TRPV2: variants seen among roughly 807,000 people sequenced by gnomAD.
The protein encoded by TRPV2 is OTRPC2.
A neutral mutation model predicts 91.0 loss-of-function variants in TRPV2; 58 were observed. The observed-to-expected ratio is 0.64, with a 90% CI of 0.52 to 0.79. The LOEUF (loss-of-function observed/expected upper bound fraction) is 0.79. TRPV2 is among the 30% of genes least tolerant of loss of function. The pLI, the probability that TRPV2 is intolerant of heterozygous loss-of-function variation, is 0.00. For missense variants in TRPV2, 807 were observed against 969.6 expected, an observed-to-expected ratio of 0.83 and a Z score of 2.23; for synonymous variants, 417 against 414.8, an observed-to-expected ratio of 1.01 and a Z score of -0.06.
intron 10 of TRPV2, 149 bp from the exon 11 acceptor site, chr17:16,431,635 G>A (rs1442940094): frequency 4.3e-6 from 3 of 697,040 alleles, no homozygotes; most frequent in Non-Finnish European, 7.5e-6. Context: ...TCCTCTGCTC[G>A]GTGTGGCTCC....
At chr17:16,432,624 A>G (rs908576087) in intron 12 of TRPV2, among the ~76,000 whole-genome samples, 14 of 151,614 alleles carry the variant, frequency 9.2e-5, no homozygotes, top group African/African-American at 3.4e-4. Context: ...TATTTTTTGT[A>G]GAGAAGAAGG....
In TRPV2 at chr17:16,422,888, C is replaced by T. The variant is rs931048971; in HGVS notation, c.624C>T (p.Phe208=). 11 of 1,558,646 alleles carry T rather than the reference C, an allele frequency of 7.1e-6. No individual in the cohort carries two copies. Among genetic ancestry groups the T allele is most frequent in the Admixed American group, 3.8e-5 (2 of 52,528 alleles). ...FQKGQGTCFY[F]GELPLSLAAC... ...AGGGCCAAGGGACTTGCTTTTATTT[C>T]GGTGAGTGAGCCTTTCTTGGATAAA... Residue 208 remains phenylalanine (F), a splice_region_variant and synonymous_variant, in exon 4 of 15, where the codon TTC becomes TTT. Transcript: ENST00000338560.
Position 16,417,881 on chromosome 17 carries a change from G to C in TRPV2, c.200+13G>C, listed in dbSNP as rs753394764. 1.4e-5 allele frequency: 22 copies of C among 1,612,298 alleles called. No individual in the cohort carries two copies. The highest frequency in any genetic ancestry group is 1.9e-5 in the Non-Finnish European group (22 of 1,179,138). On this transcript the variant is annotated intron_variant, in intron 2 of 14. Coordinates refer to ENST00000338560, the MANE Select transcript of TRPV2 (RefSeq NM_016113.5). ...GAACAGGTGCCAGGTGAGACAGCAA[G>C]TGGGGGCAGGGCAAAGGGGGCCCCC...
In TRPV2 at chr17:16,426,250, C is replaced by T. The variant is rs768113842; in HGVS notation, c.1076C>T (p.Ala359Val). Residue 359 changes from alanine to valine, a missense_variant, in exon 6 of 15, where the codon GCC becomes GTC. Physicochemically the swap from Ala to Val is moderately conservative, Grantham distance 64. Transcript: ENST00000338560. This position sits in a 1 kb window ranked among gnomAD's most constrained non-coding sequence, Gnocchi z 6.0. ...GAGAACTCAGTGCTGGAGATCATTG[C>T]CTTTCATTGCAAGAGCCCGGTGAGC... is the stretch of plus-strand genomic sequence containing the variant. Reference protein sequence around the residue: ...CEENSVLEIIAFHCKSPHRHR... With the variant: ...CEENSVLEIIVFHCKSPHRHR... 2 of 1,614,180 alleles carry T rather than the reference C, an allele frequency of 1.2e-6. No homozygotes were observed. Among genetic ancestry groups the T allele is most frequent in the South Asian group, 1.1e-5 (1 of 91,078 alleles).
Position 16,434,875 on chromosome 17 carries a change from C to T in TRPV2, c.2115-15C>T, listed in dbSNP as rs944822733. ...TCAAAGCAGGCAAACCTCAGAGCTG[C>T]TCTGTTGCCCTCAGGGTGGAGGAGG... On this transcript the variant is annotated splice_polypyrimidine_tract_variant and intron_variant, in intron 13 of 14. Transcript: ENST00000338560. 2 of 1,610,056 alleles carry T rather than the reference C, an allele frequency of 1.2e-6. No individual in the cohort carries two copies. The highest frequency in any genetic ancestry group is 8.5e-7 in the Non-Finnish European group (1 of 1,178,774).
intron 7 of TRPV2, 99 bp from the exon 8 acceptor site, chr17:16,427,350 A>T: frequency 1.7e-6 from 2 of 1,174,922 alleles, no homozygotes; most frequent in Non-Finnish European, 2.4e-6. Flanking sequence ...GAGCCTCTCC[A>T]CAGCTCAGGC....
At chr17:16,433,282 C>A (rs947828247) in intron 12 of TRPV2, 1 of 302,492 alleles carries the variant, frequency 3.3e-6, no homozygotes, top group Non-Finnish European at 6.3e-6. Context: ...GAGCCTGGAA[C>A]GATGTAAGAG....
chr17:16,432,336 C>A, intron 12 of TRPV2, 36 bp downstream of exon 12: 1 of 1,564,390 alleles, frequency 6.4e-7, no homozygotes, highest in East Asian at 2.3e-5. Context: ...CCACCCCACC[C>A]CACACTCAGG....
rs1484674163 is a variant in TRPV2, at chr17:16,425,788, A to T, written c.925-311A>T. 3.3e-5 allele frequency among the ~76,000 whole-genome samples: 5 copies of T among 152,178 alleles called. No individual in the cohort carries two copies. In the East Asian group the frequency reaches 9.6e-4, roughly 29 times the overall value. On this transcript the variant is annotated intron_variant, in intron 5 of 14. Transcript: ENST00000338560. Reference sequence around the variant, plus strand: ...ACACAGATACAGCTAGTAGACTCTGATCTCAGGGGCCTCAAGGACCCCAGG... The same window carrying T: ...ACACAGATACAGCTAGTAGACTCTGTTCTCAGGGGCCTCAAGGACCCCAGG...
At chr17:16,429,046 C>T (rs2093398234) in intron 10 of TRPV2, 64 bp downstream of exon 10, 1 of 1,560,384 alleles carries the variant, frequency 6.4e-7, no homozygotes, top group African/African-American at 1.4e-5. Context: ...AGCCTTCCTC[C>T]ACAGCTATCC....
At chr17:16,434,275 T>C (rs1490627141) in intron 13 of TRPV2, among the ~76,000 whole-genome samples, 3 of 152,042 alleles carry the variant, frequency 2.0e-5, no homozygotes, top group Admixed American at 6.5e-5. Flanking sequence ...GAGACCATCC[T>C]GGCTAACACA....
intron 5 of TRPV2, among the ~76,000 whole-genome samples, chr17:16,425,105 A>G (rs7216548): frequency 0.034 from 5,018 of 147,778 alleles, 284 homozygotes; most frequent in African/African-American, 0.12. Context: ...GCTAACTGCA[A>G]CCTCCGCCTC....
chr17:16,426,615 C>T lies in TRPV2; in HGVS notation c.1096-107C>T. The T allele has an allele frequency of 1.5e-6, 2 of 1,362,714 alleles. No individual in the cohort carries two copies. Among genetic ancestry groups the T allele is most frequent in the Non-Finnish European group, 2.0e-6 (2 of 1,003,996 alleles). The allele number at this position is 1,362,714 out of a possible 1,614,324, so 84.4% of individuals were successfully genotyped here. The stretch of plus-strand genomic sequence containing the variant: ...CTCCTGGGGTGTGGAAGCCTGCTCC[C>T]TGTCCTCTCTCCTCATTTCCTGGGC... On this transcript the variant is annotated intron_variant, in intron 6 of 14. Coordinates refer to ENST00000338560, the MANE Select transcript of TRPV2 (RefSeq NM_016113.5). The surrounding 1 kb of genome is among the most constrained non-coding windows in gnomAD (Gnocchi z 6.0).
chr17:16,427,795 C>T (rs1035850484), intron 8 of TRPV2, among the ~76,000 whole-genome samples: 1 of 152,200 alleles, frequency 6.6e-6, no homozygotes, highest in African/African-American at 2.4e-5. Context: ...ACAGACTCTG[C>T]TCCCCCAGGA....
At position 16,432,268 on chromosome 17, in the gene TRPV2, G is replaced by A. The variant is rs757353547; in HGVS notation, c.1957G>A (p.Ala653Thr). Residue 653 changes from alanine (A) to threonine (T), a missense_variant, in exon 12 of 15, where the codon GCC becomes ACC. Ala to Thr is a moderately conservative substitution (Grantham distance 58, BLOSUM62 0). Coordinates refer to ENST00000338560, the MANE Select transcript of TRPV2 (RefSeq NM_016113.5). The part of the protein sequence containing the change: ...ALMSETVNSV[A>T]TDSWSIWKLQ... ...CATGAGCGAGACCGTCAACAGTGTCGCCACTGACAGCTGGAGCATCTGGAA... is the reference window on the plus strand; with the variant it reads ...CATGAGCGAGACCGTCAACAGTGTCACCACTGACAGCTGGAGCATCTGGAA... 2.4e-5 allele frequency: 38 copies of A among 1,610,212 alleles called. No individual in the cohort carries two copies. Among genetic ancestry groups the A allele is most frequent in the South Asian group, 5.5e-5 (5 of 90,984 alleles).
intron 1 of TRPV2, among the ~76,000 whole-genome samples, chr17:16,417,255 A>ATTTTTT (rs34360076): frequency 7.5e-6 from 1 of 133,820 alleles, no homozygotes; most frequent in African/African-American, 2.8e-5. Context: ...AAAAACCGCA[A>ATTTTTT]TTTTTTTTTT....
intron 3 of TRPV2, among the ~76,000 whole-genome samples, chr17:16,421,802 G>A (rs996536405): frequency 2.6e-5 from 4 of 151,742 alleles, no homozygotes; most frequent in Non-Finnish European, 4.4e-5. Flanking sequence ...ACAGGCGTGA[G>A]CCACTGCGCC....
intron 11 of TRPV2, 23 bp from the exon 12 acceptor site, chr17:16,431,943 A>G (rs1249727100): frequency 6.2e-7 from 1 of 1,609,672 alleles, no homozygotes; most frequent in Admixed American, 1.7e-5. Flanking sequence ...TGGGCTAAGG[A>G]CCCCTCTCCC....
intron 9 of TRPV2, 160 bp downstream of exon 9, chr17:16,428,547 G>T (rs1175964611): frequency 7.0e-6 from 6 of 853,926 alleles, no homozygotes; most frequent in Middle Eastern, 2.4e-4. Context: ...CTGCCGTCCA[G>T]CCTGGGGCCC....
Sources: gnomAD v4.1 joint callset for allele counts (sites outside exome capture counted in the v4.1 genomes callset) on GRCh38, gnomAD v4.1.1 for gene constraint, Gnocchi (gnomAD v3.1) non-coding constraint, MANE v1.5 for transcripts, NCBI Gene and HGNC (gene_info 2026-07-23, HGNC 2026-07-21) for gene names.